Variants in ATP8B4 observed in about 807,000 individuals in gnomAD.
ATP8B4 encodes ATPase phospholipid transporting 8B4 (putative), also known as probable phospholipid-transporting ATPase IM.
Under a neutral mutation model 145.6 loss-of-function variants are expected in ATP8B4, and 133 were observed. The ratio of observed to expected loss-of-function variants is 0.91; its 90% CI spans 0.79 to 1.05. The LOEUF (loss-of-function observed/expected upper bound fraction) is 1.05. Among genes scored for constraint, ATP8B4 ranks in the 50% least tolerant of loss-of-function variants. The pLI is 0.00. For synonymous variants in ATP8B4, 507 were observed against 492.9 expected (o/e 1.03, Z -0.38); for missense variants, 1,458 against 1,425.2 (o/e 1.02, Z -0.37).
At chr15:49,896,988 A>G (rs2037463474) in intron 23 of ATP8B4, 3 of 284,482 alleles carry the variant, frequency 1.1e-5, no homozygotes, top group African/African-American at 4.4e-5. Context: ...AAAACTCTAC[A>G]ACAAGCTTAC....
At chr15:49,978,629 T>C (rs2045877696) in intron 12 of ATP8B4, among the ~76,000 whole-genome samples, 1 of 152,038 alleles carries the variant, frequency 6.6e-6, no homozygotes, top group Non-Finnish European at 1.5e-5. Context: ...ACCAACCAAG[T>C]CCCATCTTAG....
intron 6 of ATP8B4, among the ~76,000 whole-genome samples, chr15:50,029,255 A>AAAAAAAAAAAAC (rs776952913): frequency 6.3e-4 from 89 of 141,052 alleles, no homozygotes; most frequent in Non-Finnish European, 1.1e-3. Flanking sequence ...AAAAAAAAAA[A>AAAAAAAAAAAAC]AACAGAAAAA....
chr15:50,129,284 A>G (rs2057328719), intron 1 of ATP8B4, among the ~76,000 whole-genome samples: 1 of 152,168 alleles, frequency 6.6e-6, no homozygotes, highest in South Asian at 2.1e-4. Flanking sequence ...GGTGGCTTAA[A>G]ACAAGGGAAA....
chr15:49,859,136 A>G lies in ATP8B4; in HGVS notation c.*1058T>C, dbSNP rs116387273. ...AATTTGAGCTGCAACATCTCCAAAA[A>G]AACAACCTTACCTACATATGTTTAC... is the stretch of plus-strand genomic sequence containing the variant. On this transcript the variant is annotated 3_prime_UTR_variant, in exon 28 of 28. Transcript: ENST00000284509. The G allele has an allele frequency of 6.6e-6, 1 of 152,234 alleles. No homozygotes were observed. Among genetic ancestry groups the G allele is most frequent in the Non-Finnish European group, 1.5e-5 (1 of 68,038 alleles). The allele number at this position is 152,234 out of a possible 1,614,324, so 9.4% of individuals were successfully genotyped here.
chr15:50,035,816 C>T (rs1006278496), intron 6 of ATP8B4, among the ~76,000 whole-genome samples: 4 of 152,172 alleles, frequency 2.6e-5, no homozygotes, highest in Admixed American at 2.0e-4. Flanking sequence ...CTCTCCAAAG[C>T]TGACTATACC....
intron 14 of ATP8B4, among the ~76,000 whole-genome samples, chr15:49,947,296 T>C (rs1307044292): frequency 6.6e-6 from 1 of 151,948 alleles, no homozygotes; most frequent in Non-Finnish European, 1.5e-5. Flanking sequence ...CCGGGCGTGG[T>C]GACACGTGCC....
intron 5 of ATP8B4, among the ~76,000 whole-genome samples, chr15:50,040,114 C>T (rs1439518774): frequency 6.6e-6 from 1 of 152,234 alleles, no homozygotes; most frequent in Non-Finnish European, 1.5e-5. Flanking sequence ...CGTCTCCACT[C>T]TGCCCTGTGC....
intron 1 of ATP8B4, among the ~76,000 whole-genome samples, chr15:50,109,792 C>T (rs1199367527): frequency 6.6e-6 from 1 of 152,056 alleles, no homozygotes; most frequent in East Asian, 1.9e-4. Context: ...GGTACTGGTA[C>T]TAACAGTTAA....
intron 6 of ATP8B4, among the ~76,000 whole-genome samples, chr15:50,021,118 T>TGATAGATAGATAGATA (rs113258750): frequency 1.6e-4 from 24 of 146,870 alleles, no homozygotes; most frequent in Non-Finnish European, 3.0e-4. Context: ...ATGGTGATTA[T>TGATAGATAGATAGATA]GATAGATAGA....
Position 49,911,963 on chromosome 15 carries a change from T to C in ATP8B4, c.2141+4971A>G, listed in dbSNP as rs549059288. 2.0e-5 allele frequency among the ~76,000 whole-genome samples: 3 copies of C among 151,952 alleles called. No homozygotes were observed. The East Asian group carries it at 5.8e-4, about 29-fold the overall frequency. On this transcript the variant is annotated intron_variant, in intron 20 of 27. Transcript: ENST00000284509. Reference sequence around the variant, plus strand: ...GCCAATGAAAAAAGTAAGATGAAAATGAAAAGATTTCCTCAAACATATGAA... The same window carrying C: ...GCCAATGAAAAAAGTAAGATGAAAACGAAAAGATTTCCTCAAACATATGAA...
At chr15:50,136,681 C>A (rs181548818) in intron 1 of ATP8B4, among the ~76,000 whole-genome samples, 1 of 152,288 alleles carries the variant, frequency 6.6e-6, no homozygotes, top group East Asian at 1.9e-4. Flanking sequence ...GAACACAGGA[C>A]AAACTTTGTG....
At chr15:50,128,203 C>G (rs2057319812) in intron 1 of ATP8B4, among the ~76,000 whole-genome samples, 1 of 152,230 alleles carries the variant, frequency 6.6e-6, no homozygotes, top group African/African-American at 2.4e-5. Flanking sequence ...ATCATGGAGA[C>G]AGACACCAGA....
chr15:50,138,585 C>T (rs2044164229), intron 1 of ATP8B4, among the ~76,000 whole-genome samples: 1 of 152,170 alleles, frequency 6.6e-6, no homozygotes, highest in African/African-American at 2.4e-5. Context: ...TAGGCATCAT[C>T]TCCCACCTGG....
chr15:49,962,227 A>G (rs2044146908), intron 13 of ATP8B4, among the ~76,000 whole-genome samples: 1 of 152,222 alleles, frequency 6.6e-6, no homozygotes, highest in South Asian at 2.1e-4. Context: ...TTTGCCCAAG[A>G]TAGGACTAAA....
Position 49,923,497 on chromosome 15 carries a change from G to A in ATP8B4, c.1643-3C>T. ...TATCTGTCCTTCTGGGTTTCGAACT[G>A]AAAAGAAAAAAGTTTGGAAAAGCAG... On this transcript the variant is annotated splice_region_variant and splice_polypyrimidine_tract_variant and intron_variant, in intron 16 of 27. Coordinates refer to ENST00000284509, the MANE Select transcript of ATP8B4 (RefSeq NM_024837.4). 1 of 1,579,664 alleles carries A rather than the reference G, an allele frequency of 6.3e-7. No homozygotes were observed.
At chr15:49,864,279 C>T (rs530270033) in intron 26 of ATP8B4, among the ~76,000 whole-genome samples, 5 of 152,222 alleles carry the variant, frequency 3.3e-5, no homozygotes, top group Non-Finnish European at 5.9e-5. Context: ...ATTTCAGGTG[C>T]CTTTGCATCA....
At chr15:49,938,848 A>C (rs2041941662) in intron 14 of ATP8B4, among the ~76,000 whole-genome samples, 1 of 152,196 alleles carries the variant, frequency 6.6e-6, no homozygotes, top group Admixed American at 6.6e-5. Flanking sequence ...GATCAACCAC[A>C]TACTCAGCCA....
Position 50,089,477 on chromosome 15 carries a change from C to G in ATP8B4, c.29-15292G>C, listed in dbSNP as rs118028375. On this transcript the variant is annotated intron_variant, in intron 2 of 27. Transcript: ENST00000284509. ...TTGAAAAGTGGGCAAAGGACATGAA[C>G]TTCTCAAAAGAAGACATTTATGTGG... Among the ~76,000 whole-genome samples, 4 of 152,168 alleles carry G rather than the reference C, an allele frequency of 2.6e-5. No homozygotes were observed. The East Asian group carries it at 7.7e-4, about 29-fold the overall frequency.
At chr15:49,901,464 A>G (rs960615440) in intron 20 of ATP8B4, among the ~76,000 whole-genome samples, 1 of 152,152 alleles carries the variant, frequency 6.6e-6, no homozygotes, top group Non-Finnish European at 1.5e-5. Flanking sequence ...TGAAAATACA[A>G]TATCTTGAAT....
Sources: gnomAD v4.1 joint callset for allele counts (sites outside exome capture counted in the v4.1 genomes callset) on GRCh38, gnomAD v4.1.1 for gene constraint, MANE v1.5 for transcripts, NCBI Gene and HGNC (gene_info 2026-07-23, HGNC 2026-07-21) for gene names.